The following CCSER1 variants were observed in gnomAD, a reference collection of about 807,000 sequenced individuals.
The protein encoded by CCSER1 is serine-rich coiled-coil domain-containing protein 1.
CCSER1 carries 41 observed loss-of-function variants against 82.0 expected under a neutral mutation model. The observed-to-expected ratio is 0.50, with a 90% confidence interval of 0.39 to 0.65. The LOEUF (loss-of-function observed/expected upper bound fraction) is 0.65, where lower values mean the gene tolerates loss of function less well. CCSER1 is among the 30% of genes least tolerant of loss of function. CCSER1 has a pLI of 0.00. For missense variants in CCSER1, 1,119 were observed against 1,064.2 expected, an observed-to-expected ratio of 1.05 and a Z score of -0.72; for synonymous variants, 414 against 383.9, an observed-to-expected ratio of 1.08 and a Z score of -0.92.
In CCSER1 at chr4:91,369,591, A is replaced by G. The variant is rs145035237; in HGVS notation, c.2218-228981A>G. On this transcript the variant is annotated intron_variant, in intron 10 of 10. Coordinates refer to ENST00000509176, the MANE Select transcript of CCSER1 (RefSeq NM_001145065.2). ...AGTTAATGATTTAATGAATAAATAG[A>G]AGATTGACTATCAATTAGACAAACC... Among the ~76,000 whole-genome samples, 26 of 151,820 alleles carry G rather than the reference A, an allele frequency of 1.7e-4. No individual in the cohort carries two copies. In the East Asian group the frequency reaches 4.9e-3, roughly 28 times the overall value.
chr4:91,142,544 G>C (rs1342855071), intron 10 of CCSER1, among the ~76,000 whole-genome samples: 1 of 152,124 alleles, frequency 6.6e-6, no homozygotes, highest in Non-Finnish European at 1.5e-5. Context: ...TGCCAAGGCT[G>C]ATGTCCAACA....
At chr4:90,577,226 G>A (rs1007983552) in intron 5 of CCSER1, among the ~76,000 whole-genome samples, 6 of 151,976 alleles carry the variant, frequency 3.9e-5, no homozygotes, top group Non-Finnish European at 8.8e-5. Flanking sequence ...TAAAAATGGG[G>A]TTACTTTTCT....
At position 90,308,495 on chromosome 4, in the gene CCSER1, CA is replaced by C. The variant is rs769438129; in HGVS notation, c.212del (p.His71ProfsTer33). ...ATTCCGTACTCCTTCCATTAGCTTC[CA>C]CCATAAGAAGGGGAGTGAGCCTAAG... ...SIFRTPSISF[H>X]HKKGSEPKQE... On this transcript the variant is annotated frameshift_variant, in exon 2 of 11. Coordinates refer to ENST00000509176, the MANE Select transcript of CCSER1 (RefSeq NM_001145065.2). LOFTEE classifies it high-confidence loss of function. 1.2e-6 allele frequency: 2 copies of C among 1,613,864 alleles called. No individual in the cohort carries two copies. Among genetic ancestry groups the C allele is most frequent in the Admixed American group, 1.7e-5 (1 of 59,988 alleles).
At chr4:90,420,931 T>G (rs146372176) in intron 4 of CCSER1, among the ~76,000 whole-genome samples, 73 of 152,242 alleles carry the variant, frequency 4.8e-4, no homozygotes, top group Middle Eastern at 6.8e-3. Context: ...CATGGCCTCT[T>G]ACAATTATGT....
rs1438072458 is a variant in CCSER1, at chr4:90,391,485, T to TATACATAC, written c.1510-8550_1510-8549insTACATACA. Among the ~76,000 whole-genome samples, 13 of 76,654 alleles carry TATACATAC rather than the reference T, an allele frequency of 1.7e-4. 1 individual carries two copies. Among genetic ancestry groups the TATACATAC allele is most frequent in the Admixed American group, 1.6e-3 (11 of 6,874 alleles). The allele number at this position is 76,654 out of a possible 152,430, so 50.3% of individuals were successfully genotyped here. A position where few individuals can be genotyped will look rare whatever the true frequency, so the allele number is the denominator to read the frequency against. ...ATATATATATATATATATATATATA[T>TATACATAC]ACACACACACAGTGGGTAAATATAT... On this transcript the variant is annotated intron_variant, in intron 3 of 10. Transcript: ENST00000509176.
intron 10 of CCSER1, among the ~76,000 whole-genome samples, chr4:91,156,705 C>T (rs930641727): frequency 1.2e-4 from 18 of 151,644 alleles, no homozygotes; most frequent in Middle Eastern, 6.8e-3. Flanking sequence ...AAATCAAATC[C>T]GTAAATCTTT....
At chr4:90,937,821 T>C (rs1731141989) in intron 9 of CCSER1, among the ~76,000 whole-genome samples, 1 of 152,186 alleles carries the variant, frequency 6.6e-6, no homozygotes, top group African/African-American at 2.4e-5. Flanking sequence ...GAGTGATTTC[T>C]CTTTCTGTAG....
chr4:91,284,845 T>C (rs1743159101), intron 10 of CCSER1, among the ~76,000 whole-genome samples: 1 of 151,992 alleles, frequency 6.6e-6, no homozygotes. Context: ...GAAAAAAACA[T>C]ATGAGTTGAT....
intron 10 of CCSER1, among the ~76,000 whole-genome samples, chr4:91,343,230 C>T (rs985808388): frequency 2.6e-5 from 4 of 151,918 alleles, no homozygotes; most frequent in African/African-American, 7.2e-5. Flanking sequence ...ACACTTGGTA[C>T]ATAGTATGTG....
intron 10 of CCSER1, among the ~76,000 whole-genome samples, chr4:91,158,143 TCTCA>T (rs1438099717): frequency 1.3e-5 from 2 of 151,990 alleles, no homozygotes; most frequent in African/African-American, 2.4e-5. Flanking sequence ...ATTGAATGCT[TCTCA>T]CTCAAAGCAG....
chr4:90,700,900 T>C (rs1291265300), intron 6 of CCSER1, among the ~76,000 whole-genome samples: 1 of 152,178 alleles, frequency 6.6e-6, no homozygotes, highest in Non-Finnish European at 1.5e-5. Context: ...GTCAGATGAG[T>C]AGACTGCAAA....
At chr4:90,616,201 T>G (rs552910651) in intron 5 of CCSER1, among the ~76,000 whole-genome samples, 11 of 152,338 alleles carry the variant, frequency 7.2e-5, no homozygotes, top group African/African-American at 2.4e-4. Flanking sequence ...ATTGTGTGAC[T>G]TCCTTTATTG....
intron 10 of CCSER1, among the ~76,000 whole-genome samples, chr4:91,401,377 A>G (rs1442384148): frequency 2.0e-5 from 3 of 148,344 alleles, no homozygotes; most frequent in Admixed American, 6.8e-5. Flanking sequence ...TATATATAAT[A>G]TAACATATCA....
intron 10 of CCSER1, among the ~76,000 whole-genome samples, chr4:91,168,226 G>GAAGC: frequency 6.8e-6 from 1 of 147,064 alleles, no homozygotes; most frequent in East Asian, 2.1e-4. Flanking sequence ...CCCCGTCTGG[G>GAAGC]AGGTGAGGAG....
chr4:90,434,286 G>C (rs1484104026), intron 4 of CCSER1, among the ~76,000 whole-genome samples: 2 of 151,946 alleles, frequency 1.3e-5, no homozygotes, highest in South Asian at 2.1e-4. Flanking sequence ...TAAATGGTTA[G>C]ATAAGAAAAT....
intron 10 of CCSER1, among the ~76,000 whole-genome samples, chr4:91,449,670 C>A (rs1755766359): frequency 6.6e-6 from 1 of 151,804 alleles, no homozygotes; most frequent in Non-Finnish European, 1.5e-5. Flanking sequence ...ATTTTAATCA[C>A]TTTTCAGTCC....
At chr4:90,948,557 C>G (rs1431408339) in intron 9 of CCSER1, among the ~76,000 whole-genome samples, 1 of 151,670 alleles carries the variant, frequency 6.6e-6, no homozygotes, top group Non-Finnish European at 1.5e-5. Flanking sequence ...AAAATCTTGT[C>G]AATAGAATTT....
At chr4:90,191,434 G>C (rs1156355272) in intron 1 of CCSER1, among the ~76,000 whole-genome samples, 1 of 152,028 alleles carries the variant, frequency 6.6e-6, no homozygotes, top group East Asian at 1.9e-4. Flanking sequence ...TCAAGATCAT[G>C]TAATTTATGC....
At chr4:91,471,075 T>A (rs1194993192) in intron 10 of CCSER1, among the ~76,000 whole-genome samples, 1 of 152,198 alleles carries the variant, frequency 6.6e-6, no homozygotes, top group Non-Finnish European at 1.5e-5. Context: ...AGTGCTGAAA[T>A]GACATCTACA....
Sources: gnomAD v4.1 joint callset for allele counts (sites outside exome capture counted in the v4.1 genomes callset) on GRCh38, gnomAD v4.1.1 for gene constraint, MANE v1.5 for transcripts, NCBI Gene and HGNC (gene_info 2026-07-23, HGNC 2026-07-21) for gene names.